Variants in RBM20 observed in about 807,000 individuals in gnomAD.
RBM20 encodes the protein RNA binding motif protein 20, also known as RNA-binding protein 20.
Under a neutral mutation model 110.1 loss-of-function variants are expected in RBM20, and 51 were observed. The ratio of observed to expected loss-of-function variants is 0.46; its 90% CI spans 0.37 to 0.59. RBM20 has a LOEUF of 0.59. Ranked by LOEUF, RBM20 falls within the 20% of genes least tolerant of loss-of-function variation. The probability of loss-of-function intolerance (pLI) is 0.00; values close to 1 mark genes in which losing one functional copy is unlikely to be tolerated. For synonymous variants in RBM20, 589 were observed against 618.2 expected (o/e 0.95, Z 0.70); for missense variants, 1,512 against 1,574.9 (o/e 0.96, Z 0.68).
intron 13 of RBM20, among the ~76,000 whole-genome samples, chr10:110,833,322 G>A (rs1845079823): frequency 6.8e-6 from 1 of 147,538 alleles, no homozygotes; most frequent in Admixed American, 6.9e-5. Context: ...CTGGGAGGTG[G>A]AGCTTGCAGT....
rs1554895777 is a variant in RBM20 at position 110,752,941 on chromosome 10, ATATATTTT to A, written c.192-27858_192-27851del. The stretch of plus-strand genomic sequence containing the variant: ...TATACATATATATATATATATATAT[ATATATTTT>A]TTTTTTTTTTATGAAGTCTCCCTCT... On this transcript the variant is annotated intron_variant, in intron 1 of 13. Coordinates refer to ENST00000369519, the MANE Select transcript of RBM20 (RefSeq NM_001134363.3). Among the ~76,000 whole-genome samples, 458 of 92,326 alleles carry A rather than the reference ATATATTTT, an allele frequency of 5.0e-3. 2 individuals carry two copies. Among genetic ancestry groups the A allele is most frequent in the East Asian group, 0.04 (80 of 1,980 alleles). 60.6% of individuals were successfully genotyped at this position (92,326 alleles called of 152,430 possible). A position where few individuals can be genotyped will look rare whatever the true frequency, so the allele number is the denominator to read the frequency against.
At chr10:110,727,140 A>AG (rs2134943146) in intron 1 of RBM20, among the ~76,000 whole-genome samples, 1 of 114,886 alleles carries the variant, frequency 8.7e-6, no homozygotes, top group South Asian at 3.0e-4. Context: ...CACTGCACCC[A>AG]GCCTTTTTTT....
intron 5 of RBM20, among the ~76,000 whole-genome samples, chr10:110,793,937 A>G (rs1404241916): frequency 6.6e-6 from 1 of 152,242 alleles, no homozygotes; most frequent in Non-Finnish European, 1.5e-5. Context: ...TTACCTTTGA[A>G]GACCTTTAAG....
At chr10:110,793,695 G>A (rs1412913852) in intron 5 of RBM20, among the ~76,000 whole-genome samples, 1 of 152,192 alleles carries the variant, frequency 6.6e-6, no homozygotes, top group African/African-American at 2.4e-5. Flanking sequence ...GCTGTGATTG[G>A]CTGAGACTCA....
At chr10:110,799,973 C>T in intron 7 of RBM20, 55 bp downstream of exon 7, 2 of 1,514,448 alleles carry the variant, frequency 1.3e-6, no homozygotes, top group South Asian at 2.4e-5. Flanking sequence ...TGAGTTTCTC[C>T]TCCGTGTTAG....
In RBM20 at chr10:110,837,570, GT is replaced by G. The variant is rs962690120; in HGVS notation, c.*1600del. ...AAGGGACTGTGTAGGGTTTTGTTTT[GT>G]TTTTTTTCATTTTCCTTTTTATGGC... On this transcript the variant is annotated 3_prime_UTR_variant, in exon 14 of 14. Coordinates refer to ENST00000369519, the MANE Select transcript of RBM20 (RefSeq NM_001134363.3). 1.3e-5 allele frequency: 2 copies of G among 151,906 alleles called. No homozygotes were observed. Among genetic ancestry groups the G allele is most frequent in the Non-Finnish European group, 2.9e-5 (2 of 68,026 alleles). The allele number at this position is 151,906 out of a possible 1,614,324, so 9.4% of individuals were successfully genotyped here.
At chr10:110,749,237 T>C (rs1411151615) in intron 1 of RBM20, among the ~76,000 whole-genome samples, 3 of 152,220 alleles carry the variant, frequency 2.0e-5, no homozygotes, top group African/African-American at 7.2e-5. Context: ...TATGTGGAGA[T>C]GATATGGTTG....
chr10:110,721,909 T>C (rs1180935136), intron 1 of RBM20, among the ~76,000 whole-genome samples: 1 of 151,420 alleles, frequency 6.6e-6, no homozygotes, highest in African/African-American at 2.5e-5. Flanking sequence ...CTTTGGGTAT[T>C]AGAACAAGGC....
chr10:110,714,240 G>A (rs1178284487), intron 1 of RBM20, among the ~76,000 whole-genome samples: 3 of 152,184 alleles, frequency 2.0e-5, no homozygotes, highest in Non-Finnish European at 4.4e-5. Context: ...ATGAACCTGG[G>A]TCTTGCCCAT....
chr10:110,723,480 T>C (rs1308031322), intron 1 of RBM20, among the ~76,000 whole-genome samples: 1 of 152,254 alleles, frequency 6.6e-6, no homozygotes, highest in Non-Finnish European at 1.5e-5. Context: ...ACTTCAGATG[T>C]AACATTTTGA....
intron 1 of RBM20, among the ~76,000 whole-genome samples, chr10:110,665,508 A>C (rs897882378): frequency 1.1e-4 from 16 of 152,202 alleles, no homozygotes; most frequent in African/African-American, 3.9e-4. Flanking sequence ...TTAACAAATA[A>C]ATTTTAAGAA....
intron 1 of RBM20, among the ~76,000 whole-genome samples, chr10:110,729,539 C>T (rs1355991214): frequency 1.3e-5 from 2 of 152,202 alleles, no homozygotes; most frequent in Non-Finnish European, 2.9e-5. Context: ...AGGCTATGAG[C>T]CGCAGGAGGG....
At chr10:110,760,386 G>A (rs1197088426) in intron 1 of RBM20, among the ~76,000 whole-genome samples, 1 of 141,832 alleles carries the variant, frequency 7.1e-6, no homozygotes, top group Non-Finnish European at 1.5e-5. Flanking sequence ...GACACTATAA[G>A]CTACATGGGT....
intron 1 of RBM20, among the ~76,000 whole-genome samples, chr10:110,674,525 G>A (rs777401774): frequency 2.6e-5 from 4 of 152,136 alleles, no homozygotes; most frequent in South Asian, 4.1e-4. Context: ...CATTTTTGTC[G>A]TGACCACGCA....
chr10:110,798,431 T>G (rs972978433), intron 6 of RBM20, among the ~76,000 whole-genome samples: 2 of 152,252 alleles, frequency 1.3e-5, no homozygotes, highest in African/African-American at 4.8e-5. Flanking sequence ...ACTACTCACT[T>G]GTCTCTGTTC....
chr10:110,687,135 A>G (rs1862517291), intron 1 of RBM20, among the ~76,000 whole-genome samples: 1 of 152,232 alleles, frequency 6.6e-6, no homozygotes, highest in Non-Finnish European at 1.5e-5. Context: ...GCAAGATTGT[A>G]AACTATGAAA....
chr10:110,651,084 T>C (rs1392751671), intron 1 of RBM20, among the ~76,000 whole-genome samples: 1 of 152,182 alleles, frequency 6.6e-6, no homozygotes, highest in Non-Finnish European at 1.5e-5. Context: ...TCTCCAGGGA[T>C]TGGAAATGAT....
intron 1 of RBM20, among the ~76,000 whole-genome samples, chr10:110,761,796 C>T (rs919182862): frequency 1.3e-5 from 2 of 152,238 alleles, no homozygotes; most frequent in Non-Finnish European, 2.9e-5. Flanking sequence ...TATCCTGGTA[C>T]CGGAAGAGAC....
chr10:110,783,688 C>T (rs1214173710), intron 3 of RBM20, among the ~76,000 whole-genome samples: 3 of 152,208 alleles, frequency 2.0e-5, no homozygotes, highest in Non-Finnish European at 2.9e-5. Context: ...TGTGCGTGGG[C>T]GTGTGCCTCC....
Sources: allele counts gnomAD v4.1 joint callset (sites outside exome capture counted in the v4.1 genomes callset), GRCh38; gene constraint gnomAD v4.1.1; transcripts MANE v1.5; gene names NCBI Gene and HGNC (gene_info 2026-07-23, HGNC 2026-07-21).